Variants in UEVLD observed in about 807,000 individuals in gnomAD.
UEVLD encodes the protein ubiquitin-conjugating enzyme E2 variant 3.
In UEVLD, 47 loss-of-function variants were observed where a neutral mutation model predicts 58.6. The ratio of observed to expected loss-of-function variants is 0.80; its 90% CI spans 0.63 to 1.02. The LOEUF (loss-of-function observed/expected upper bound fraction) is 1.02, where lower values mean the gene tolerates loss of function less well. Ranked by LOEUF, UEVLD falls within the 50% of genes least tolerant of loss-of-function variation. The probability of loss-of-function intolerance (pLI) is 0.00; values close to 1 mark genes in which losing one functional copy is unlikely to be tolerated. For missense variants in UEVLD, 510 were observed against 550.6 expected (o/e 0.93, Z 0.74); for synonymous variants, 197 against 195.3 (o/e 1.01, Z -0.07).
At chr11:18,578,980 G>A (rs1465805667) in intron 1 of UEVLD, among the ~76,000 whole-genome samples, 172 bp from the exon 2 acceptor site, 2 of 152,048 alleles carry the variant, frequency 1.3e-5, no homozygotes, top group African/African-American at 4.8e-5. Flanking sequence ...TGATTCTCTT[G>A]CCTCAGCCTC....
At chr11:18,535,977 T>C (rs1850777994) in intron 10 of UEVLD, among the ~76,000 whole-genome samples, 1 of 152,076 alleles carries the variant, frequency 6.6e-6, no homozygotes, top group Non-Finnish European at 1.5e-5. Flanking sequence ...TCTACTAAAA[T>C]ACAAAAAATT....
chr11:18,544,494 G>A (rs1437417808), intron 9 of UEVLD, 129 bp downstream of exon 9: 10 of 936,902 alleles, frequency 1.1e-5, no homozygotes, highest in Non-Finnish European at 1.6e-5. Flanking sequence ...TTTTTGTAGA[G>A]ATGGGGTCTT....
chr11:18,546,021 C>G (rs966595336), intron 8 of UEVLD, among the ~76,000 whole-genome samples: 3 of 151,964 alleles, frequency 2.0e-5, no homozygotes, highest in Non-Finnish European at 4.4e-5. Context: ...GATCAATGTC[C>G]CTCAACAAAT....
At chr11:18,563,568 G>A (rs11024713) in intron 6 of UEVLD, 30 of 664,170 alleles carry the variant, frequency 4.5e-5, no homozygotes, top group Admixed American at 6.3e-5. Context: ...TCCAGCCTGT[G>A]CAACAGAACA....
intron 7 of UEVLD, among the ~76,000 whole-genome samples, chr11:18,552,329 G>A (rs577827499): frequency 6.6e-6 from 1 of 152,280 alleles, no homozygotes; most frequent in East Asian, 1.9e-4. Flanking sequence ...TGGATCACTT[G>A]AGGCCACGAG....
intron 2 of UEVLD, among the ~76,000 whole-genome samples, chr11:18,576,207 C>G (rs965742184): frequency 6.6e-6 from 1 of 152,144 alleles, no homozygotes; most frequent in Non-Finnish European, 1.5e-5. Flanking sequence ...TCCTTCTTGC[C>G]TGGGGACTAG....
intron 8 of UEVLD, among the ~76,000 whole-genome samples, chr11:18,545,436 TTTTG>T (rs1053578319): frequency 2.0e-4 from 30 of 150,364 alleles, no homozygotes; most frequent in African/African-American, 4.9e-4. Context: ...TTTTACTGTG[TTTTG>T]TTTGTTTGTT....
At chr11:18,566,232 T>C (rs984747232) in intron 5 of UEVLD, 115 bp downstream of exon 5, 8 of 1,426,492 alleles carry the variant, frequency 5.6e-6, no homozygotes, top group Middle Eastern at 1.8e-4. Context: ...CAAAAACAGA[T>C]GTACATACGC....
chr11:18,538,635 A>G (rs1405310106), intron 9 of UEVLD, among the ~76,000 whole-genome samples: 1 of 134,592 alleles, frequency 7.4e-6, no homozygotes, highest in African/African-American at 2.7e-5. Context: ...ATTCTTTACC[A>G]TGGTGTTGGG....
Position 18,545,135 on chromosome 11 carries a change from C to T in UEVLD, c.887-339G>A, listed in dbSNP as rs181465877. ...TCGCCCAGGCTGGAGTGCAGTGGCA[C>T]GATCTCGGCTCACTGCAACCTCTGC... On this transcript the variant is annotated intron_variant, in intron 8 of 11. Coordinates refer to ENST00000396197, the MANE Select transcript of UEVLD (RefSeq NM_001040697.4). Among the ~76,000 whole-genome samples the T allele has an allele frequency of 1.5e-3, 217 of 141,488 alleles. 1 individual carries two copies. The highest frequency in any genetic ancestry group is 2.2e-3 in the Non-Finnish European group (144 of 65,830). 92.8% of individuals were successfully genotyped at this position (141,488 alleles called of 152,430 possible). A position where few individuals can be genotyped will look rare whatever the true frequency, so the allele number is the denominator to read the frequency against.
intron 3 of UEVLD, among the ~76,000 whole-genome samples, chr11:18,575,034 T>C (rs1852827111): frequency 6.6e-6 from 1 of 152,042 alleles, no homozygotes; most frequent in African/African-American, 2.4e-5. Context: ...TTGAAAGAAG[T>C]CCCCCCAAAA....
At chr11:18,540,532 CTT>C (rs1411916613) in intron 9 of UEVLD, among the ~76,000 whole-genome samples, 2 of 152,132 alleles carry the variant, frequency 1.3e-5, no homozygotes, top group Admixed American at 1.3e-4. Flanking sequence ...TCAGATGGTA[CTT>C]CTAGAAGGCA....
chr11:18,586,752 A>C (rs1051228384), intron 1 of UEVLD, among the ~76,000 whole-genome samples: 2 of 152,178 alleles, frequency 1.3e-5, no homozygotes, highest in African/African-American at 2.4e-5. Context: ...GAAACTTCAT[A>C]TATTTGCTGC....
intron 8 of UEVLD, among the ~76,000 whole-genome samples, chr11:18,545,074 A>ATATTT (rs1345787784): frequency 0.22 from 18,247 of 84,254 alleles, 1,574 homozygotes; most frequent in Middle Eastern, 0.32. Context: ...CTATATCTAT[A>ATATTT]TTTTTTTTTT....
chr11:18,554,889 G>C (rs1309534611), intron 7 of UEVLD, among the ~76,000 whole-genome samples: 6 of 152,026 alleles, frequency 3.9e-5, no homozygotes, highest in Non-Finnish European at 5.9e-5. Flanking sequence ...GTTACAATGG[G>C]GCATTACTAA....
chr11:18,565,618 C>T (rs1004034954), intron 5 of UEVLD, among the ~76,000 whole-genome samples: 3 of 152,122 alleles, frequency 2.0e-5, no homozygotes, highest in African/African-American at 7.2e-5. Flanking sequence ...CACCTGAGGT[C>T]AGGAGTTCAA....
chr11:18,579,927 C>T (rs1447475504), intron 1 of UEVLD, among the ~76,000 whole-genome samples: 1 of 151,772 alleles, frequency 6.6e-6, no homozygotes, highest in Non-Finnish European at 1.5e-5. Flanking sequence ...ATAAAATAGA[C>T]CAAAGTAAAT....
chr11:18,544,929 C>T (rs1001312974), intron 8 of UEVLD, 133 bp from the exon 9 acceptor site: 10 of 501,730 alleles, frequency 2.0e-5, no homozygotes, highest in South Asian at 3.0e-5. Context: ...TATATATATA[C>T]ACACACACAT....
In UEVLD at chr11:18,546,867, T is replaced by C; in HGVS notation, c.886+13A>G. On this transcript the variant is annotated intron_variant, in intron 8 of 11. Transcript: ENST00000396197. The stretch of plus-strand genomic sequence containing the variant: ...ACTGGACCATCAACTTAATTTAAAA[T>C]AAAGCATTTTACCTGGTTGAGATGC... The C allele has an allele frequency of 6.2e-7, 1 of 1,609,898 alleles. No homozygotes were observed. Among genetic ancestry groups the C allele is most frequent in the Non-Finnish European group, 8.5e-7 (1 of 1,179,206 alleles).
Sources: gnomAD v4.1 joint callset for allele counts (sites outside exome capture counted in the v4.1 genomes callset) on GRCh38, gnomAD v4.1.1 for gene constraint, MANE v1.5 for transcripts, NCBI Gene and HGNC (gene_info 2026-07-23, HGNC 2026-07-21) for gene names.